The following AARD variants were observed in gnomAD, a reference collection of about 807,000 sequenced individuals.
AARD encodes the protein alanine and arginine rich domain containing protein, also known as alanine- and arginine-rich domain-containing protein.
AARD carries 9 observed loss-of-function variants against 9.3 expected under a neutral mutation model. The ratio of observed to expected loss-of-function variants is 0.97; its 90% CI spans 0.58 to 1.69. The LOEUF (loss-of-function observed/expected upper bound fraction) is 1.69. Among genes scored for constraint, AARD ranks in the 40% most tolerant of loss-of-function variants. The probability of loss-of-function intolerance (pLI) is 0.00; values close to 1 mark genes in which losing one functional copy is unlikely to be tolerated. For missense variants in AARD, 236 were observed against 210.3 expected (o/e 1.12, Z -0.76); for synonymous variants, 91 against 93.8 (o/e 0.97, Z 0.17).
At chr8:116,941,693 A>T (rs1487034955) in intron 1 of AARD, among the ~76,000 whole-genome samples, 1 of 152,186 alleles carries the variant, frequency 6.6e-6, no homozygotes, top group African/African-American at 2.4e-5. Context: ...TTATTTTGCA[A>T]ATCAGATGAC....
chr8:116,940,230 G>A (rs764376554), intron 1 of AARD, among the ~76,000 whole-genome samples: 3 of 152,198 alleles, frequency 2.0e-5, no homozygotes, highest in Non-Finnish European at 4.4e-5. Context: ...TTACCCATCT[G>A]TAAAATGGAA....
At chr8:116,939,301 T>A (rs932763171) in intron 1 of AARD, among the ~76,000 whole-genome samples, 1 of 152,202 alleles carries the variant, frequency 6.6e-6, no homozygotes, top group African/African-American at 2.4e-5. Flanking sequence ...TAGTAAATTG[T>A]CTTATTTAAG....
intron 1 of AARD, among the ~76,000 whole-genome samples, chr8:116,940,739 T>C (rs1813736379): frequency 1.3e-5 from 2 of 152,208 alleles, no homozygotes; most frequent in Non-Finnish European, 2.9e-5. Flanking sequence ...GACTGGGTTT[T>C]CTTAGTAAGA....
intron 1 of AARD, among the ~76,000 whole-genome samples, chr8:116,942,105 G>A (rs1813751716): frequency 6.6e-6 from 1 of 152,126 alleles, no homozygotes; most frequent in Admixed American, 6.5e-5. Context: ...TCAGCAGGTA[G>A]ACCATTTAAA....
intron 1 of AARD, 111 bp downstream of exon 1, chr8:116,938,678 C>CAGGTCTG: frequency 7.6e-7 from 1 of 1,324,144 alleles, no homozygotes; most frequent in Admixed American, 3.8e-5. Flanking sequence ...GGGGGCCCCT[C>CAGGTCTG]AGGTCTGGAC....
chr8:116,938,736 G>A (rs1227763670), intron 1 of AARD, 169 bp downstream of exon 1: 99 of 1,025,854 alleles, frequency 9.7e-5, no homozygotes, highest in Non-Finnish European at 1.2e-4. Flanking sequence ...AAGGAAAAGG[G>A]CCCTGCAGGA....
In AARD at chr8:116,938,580, G is replaced by T; in HGVS notation, c.324+13G>T. 7.1e-7 allele frequency: 1 copy of T among 1,400,074 alleles called. No homozygotes were observed. Among genetic ancestry groups the T allele is most frequent in the Non-Finnish European group, 9.2e-7 (1 of 1,086,542 alleles). The allele number at this position is 1,400,074 out of a possible 1,614,324, so 86.7% of individuals were successfully genotyped here. A position where few individuals can be genotyped will look rare whatever the true frequency, so the allele number is the denominator to read the frequency against. Reference sequence around the variant, plus strand: ...GCGGGCGGAGCTGGTGAGAGAGCGGGCTAGGCGGACGGCTCCCAGGGCTCC... The same window carrying T: ...GCGGGCGGAGCTGGTGAGAGAGCGGTCTAGGCGGACGGCTCCCAGGGCTCC... On this transcript the variant is annotated intron_variant, in intron 1 of 1. Transcript: ENST00000378279.
rs150227263 is a variant in AARD, at chr8:116,942,683, T to A, written c.450T>A (p.Asp150Glu). Residue 150 changes from aspartate to glutamate, a missense_variant, in exon 2 of 2, where the codon GAT becomes GAA. Physicochemically the swap from Asp to Glu is conservative, Grantham distance 45. Coordinates refer to ENST00000378279, the MANE Select transcript of AARD (RefSeq NM_001025357.3). The part of the protein sequence containing the change: ...ITSDSQSPKD[D>E]AANPE ...CAGACTCCCAAAGCCCAAAAGATGA[T>A]GCTGCGAATCCGGAATAAAGAAATG... 8.2e-5 allele frequency: 132 copies of A among 1,613,630 alleles called. No homozygotes were observed. The highest frequency in any genetic ancestry group is 1.1e-4 in the Non-Finnish European group (126 of 1,179,940).
intron 1 of AARD, among the ~76,000 whole-genome samples, chr8:116,941,932 AGATCTTTTTTTAAACGCAC>A (rs11271065): frequency 0.22 from 33,692 of 152,108 alleles, 4,485 homozygotes; most frequent in Middle Eastern, 0.32. Context: ...CATGCCCTAG[AGATCTTTTTTTAAACGCAC>A]GAGGACCTTC....
intron 1 of AARD, among the ~76,000 whole-genome samples, chr8:116,940,508 TAAA>T (rs1163237310): frequency 6.6e-6 from 1 of 152,184 alleles, no homozygotes; most frequent in Non-Finnish European, 1.5e-5. Context: ...ATCCTGGTCA[TAAA>T]GAAGAGGCAA....
intron 1 of AARD, 87 bp downstream of exon 1, chr8:116,938,654 C>A: frequency 7.3e-7 from 1 of 1,372,760 alleles, no homozygotes; most frequent in Non-Finnish European, 9.4e-7. Flanking sequence ...CCGCGTAGCC[C>A]ACCCGACGCC....
In AARD at chr8:116,944,007, T is replaced by C. The variant is rs1036417523; in HGVS notation, c.*1306T>C. Reference sequence around the variant, plus strand: ...AAAATAGTTGCAGATCTAAGTGATATTTATAATGGTTATTGTCTGCAAAAT... The same window carrying C: ...AAAATAGTTGCAGATCTAAGTGATACTTATAATGGTTATTGTCTGCAAAAT... On this transcript the variant is annotated 3_prime_UTR_variant, in exon 2 of 2. Coordinates refer to ENST00000378279, the MANE Select transcript of AARD (RefSeq NM_001025357.3). 7 of 152,344 alleles carry C rather than the reference T, an allele frequency of 4.6e-5. No homozygotes were observed. The South Asian group carries it at 1.2e-3, about 27-fold the overall frequency. 9.4% of individuals were successfully genotyped at this position (152,344 alleles called of 1,614,324 possible). A position where few individuals can be genotyped will look rare whatever the true frequency, so the allele number is the denominator to read the frequency against.
At chr8:116,939,818 T>C (rs1002774540) in intron 1 of AARD, among the ~76,000 whole-genome samples, 1 of 152,208 alleles carries the variant, frequency 6.6e-6, no homozygotes, top group Non-Finnish European at 1.5e-5. Context: ...ATTCGGCCAC[T>C]GGAGGCCTGT....
At chr8:116,938,685 G>A (rs1244993487) in intron 1 of AARD, 118 bp downstream of exon 1, 29 of 1,304,306 alleles carry the variant, frequency 2.2e-5, no homozygotes, top group Admixed American at 3.9e-5. Context: ...CCTCAGGTCT[G>A]GACACGGCGT....
At position 116,938,500 on chromosome 8, in the gene AARD, C is replaced by T. The variant is rs369425409; in HGVS notation, c.257C>T (p.Ala86Val). The T allele has an allele frequency of 2.6e-6, 4 of 1,533,364 alleles. No homozygotes were observed. The highest frequency in any genetic ancestry group is 1.4e-5 in the African/African-American group (1 of 71,504). 95.0% of individuals were successfully genotyped at this position (1,533,364 alleles called of 1,614,324 possible). A position where few individuals can be genotyped will look rare whatever the true frequency, so the allele number is the denominator to read the frequency against. ...SRRVQEAAAA[A>V]AAREEQSWTG... ...CGCGTGCAGGAGGCGGCGGCGGCGG[C>T]GGCGGCGCGGGAGGAGCAGAGCTGG... is the stretch of plus-strand genomic sequence containing the variant. The change falls in exon 1 of 2, where the codon GCG becomes GTG. Residue 86 changes from alanine to valine, a missense_variant. Physicochemically the swap from Ala to Val is moderately conservative, Grantham distance 64. Transcript: ENST00000378279.
Position 116,942,588 on chromosome 8 carries a change from G to A in AARD, c.355G>A (p.Ala119Thr). The A allele has an allele frequency of 6.2e-7, 1 of 1,613,128 alleles. No homozygotes were observed. The highest frequency in any genetic ancestry group is 1.7e-4 in the Middle Eastern group (1 of 6,056). ...AATGCATTTCCAAAACCACCAGCTG[G>A]CTAGAACTTTACTGGACCTAAACAT... is the stretch of plus-strand genomic sequence containing the variant. ...VEMHFQNHQL[A>T]RTLLDLNMKV... Residue 119 changes from alanine to threonine, a missense_variant, in exon 2 of 2, where the codon GCT becomes ACT. By Grantham distance (58) the Ala-to-Thr change is moderately conservative (BLOSUM62 0). Transcript: ENST00000378279.
At position 116,938,361 on chromosome 8, in the gene AARD, G is replaced by T; in HGVS notation, c.118G>T (p.Gly40Cys). The T allele has an allele frequency of 1.9e-6, 3 of 1,612,876 alleles. No homozygotes were observed. The highest frequency in any genetic ancestry group is 2.5e-6 in the Non-Finnish European group (3 of 1,179,918). The part of the protein sequence containing the change: ...PRPACDFFGD[G>C]RSTDIQEEAL... ...TCCCGCGTGCGACTTCTTCGGGGAC[G>T]GCAGGAGCACGGACATCCAGGAGGA... is the stretch of plus-strand genomic sequence containing the variant. Residue 40 changes from glycine to cysteine, a missense_variant, in exon 1 of 2, where the codon GGC becomes TGC. By Grantham distance (159) the Gly-to-Cys change is radical. Coordinates refer to ENST00000378279, the MANE Select transcript of AARD (RefSeq NM_001025357.3).
chr8:116,939,978 C>T (rs1370206980), intron 1 of AARD, among the ~76,000 whole-genome samples: 4 of 152,188 alleles, frequency 2.6e-5, no homozygotes, highest in Non-Finnish European at 5.9e-5. Flanking sequence ...AGCTCAGAGA[C>T]AGCTTTCAAT....
intron 1 of AARD, among the ~76,000 whole-genome samples, chr8:116,939,091 AT>A (rs1479228003): frequency 6.6e-6 from 1 of 152,212 alleles, no homozygotes; most frequent in Non-Finnish European, 1.5e-5. Context: ...ATAGGTAAAT[AT>A]TTTAGCTGAC....
Sources: gnomAD v4.1 joint callset for allele counts (sites outside exome capture counted in the v4.1 genomes callset) on GRCh38, gnomAD v4.1.1 for gene constraint, MANE v1.5 for transcripts, NCBI Gene and HGNC (gene_info 2026-07-23, HGNC 2026-07-21) for gene names.